SCN8A: variants seen among roughly 807,000 people sequenced by gnomAD.
SCN8A encodes the protein sodium channel protein type 8 subunit alpha.
Under a neutral mutation model 184.1 loss-of-function variants are expected in SCN8A, and 30 were observed. The ratio of observed to expected loss-of-function variants is 0.16; its 90% CI spans 0.12 to 0.22. The LOEUF is 0.22. SCN8A is among the 10% of genes least tolerant of loss of function. The probability of loss-of-function intolerance (pLI) is 1.00; values close to 1 mark genes in which losing one functional copy is unlikely to be tolerated. For missense variants in SCN8A, 1,057 were observed against 2,498.9 expected, an observed-to-expected ratio of 0.42 and a Z score of 12.30; for synonymous variants, 852 against 907.0, an observed-to-expected ratio of 0.94 and a Z score of 1.09.
intron 26 of SCN8A, among the ~76,000 whole-genome samples, chr12:51,802,809 A>G (rs1213538031): frequency 6.6e-6 from 1 of 152,164 alleles, no homozygotes; most frequent in African/African-American, 2.4e-5. Flanking sequence ...AATGCCATCT[A>G]TTTTGCATAA....
intron 2 of SCN8A, among the ~76,000 whole-genome samples, chr12:51,671,115 A>G (rs1941123105): frequency 2.6e-5 from 4 of 152,328 alleles, no homozygotes; most frequent in East Asian, 3.9e-4. Context: ...TGGTCTCTCA[A>G]ATATTCAGTA....
chr12:51,631,747 T>G (rs1940200146), intron 1 of SCN8A, among the ~76,000 whole-genome samples: 1 of 152,238 alleles, frequency 6.6e-6, no homozygotes, highest in African/African-American at 2.4e-5. Flanking sequence ...GCACTTAGGA[T>G]TCTGGGCCTG....
At chr12:51,783,388 T>C (rs1175226430) in intron 21 of SCN8A, among the ~76,000 whole-genome samples, 11 of 152,144 alleles carry the variant, frequency 7.2e-5, no homozygotes, top group Non-Finnish European at 1.6e-4. Flanking sequence ...AAATAAGAAA[T>C]CTTCATAAAC....
At position 51,793,839 on chromosome 12, in the gene SCN8A, C is replaced by T. The variant is rs547739486; in HGVS notation, c.4525-532C>T. ...CTCCAGCCTGGGCAACACAGTAAGA[C>T]CCGTCTCTAAAAACAGAAAGAAAGG... On this transcript the variant is annotated intron_variant, in intron 25 of 26. Transcript: ENST00000627620. 7.2e-5 allele frequency among the ~76,000 whole-genome samples: 11 copies of T among 151,804 alleles called. No homozygotes were observed. The South Asian group carries it at 2.1e-3, about 29-fold the overall frequency.
chr12:51,797,037 C>A (rs959679834), intron 26 of SCN8A, among the ~76,000 whole-genome samples: 6 of 152,168 alleles, frequency 3.9e-5, no homozygotes, highest in Non-Finnish European at 8.8e-5. Context: ...TTGCACCAGC[C>A]TAATCTCTGG....
intron 9 of SCN8A, among the ~76,000 whole-genome samples, chr12:51,703,949 A>G (rs959601318): frequency 6.6e-6 from 1 of 151,596 alleles, no homozygotes; most frequent in Non-Finnish European, 1.5e-5. Context: ...TCTGTCGCCC[A>G]GGCTGGAGTG....
chr12:51,603,726 T>A (rs932166598), intron 1 of SCN8A, among the ~76,000 whole-genome samples: 5 of 152,004 alleles, frequency 3.3e-5, no homozygotes, highest in Non-Finnish European at 7.4e-5. Flanking sequence ...AATTGTCAGG[T>A]TTAAATTTTT....
At chr12:51,713,282 T>C (rs1012571327) in intron 11 of SCN8A, 1 of 1,145,504 alleles carries the variant, frequency 8.7e-7, no homozygotes, top group Non-Finnish European at 1.3e-6. Context: ...GAAACAGCTC[T>C]CTTTGGTTCC....
intron 2 of SCN8A, among the ~76,000 whole-genome samples, chr12:51,672,998 A>G (rs1214790376): frequency 2.6e-5 from 4 of 152,056 alleles, no homozygotes; most frequent in Admixed American, 6.5e-5. Flanking sequence ...GTCTATATAG[A>G]GCATATTGCA....
At position 51,633,340 on chromosome 12, in the gene SCN8A, C is replaced by T. The variant is rs140967134; in HGVS notation, c.-54-29424C>T. Among the ~76,000 whole-genome samples the T allele has an allele frequency of 3.3e-5, 5 of 152,336 alleles. No individual in the cohort carries two copies. The East Asian group carries it at 9.6e-4, about 29-fold the overall frequency. On this transcript the variant is annotated intron_variant, in intron 1 of 26. Coordinates refer to ENST00000627620, the MANE Select transcript of SCN8A (RefSeq NM_001330260.2). ...TCTTATCTAGATTCCCTTCTAGCAT[C>T]TTCATGGTTCTGTGTTTTCTCTCCC...
chr12:51,790,676 A>T (rs757654896), intron 25 of SCN8A, among the ~76,000 whole-genome samples, 174 bp downstream of exon 25: 1 of 152,206 alleles, frequency 6.6e-6, no homozygotes. Context: ...GGATTAAGGC[A>T]TGGGGGCTTT....
At chr12:51,773,596 T>C (rs1381783008) in intron 19 of SCN8A, among the ~76,000 whole-genome samples, 71 of 152,250 alleles carry the variant, frequency 4.7e-4, no homozygotes, top group Non-Finnish European at 1.5e-5. Flanking sequence ...GAAAACAGTT[T>C]GGCAGTTCCT....
rs568548293 is a variant in SCN8A at position 51,762,442 on chromosome 12, A to G, written c.2371-61A>G. 2.0e-5 allele frequency: 29 copies of G among 1,467,794 alleles called. No individual in the cohort carries two copies. The East Asian group carries it at 5.1e-4, about 26-fold the overall frequency. The allele number at this position is 1,467,794 out of a possible 1,614,324, so 90.9% of individuals were successfully genotyped here. A position where few individuals can be genotyped will look rare whatever the true frequency, so the allele number is the denominator to read the frequency against. On this transcript the variant is annotated intron_variant, in intron 14 of 26. Transcript: ENST00000627620. ...CTTGGACATGTTGTTTTCAAAAATA[A>G]TGATAAAGGCATTCTCTTTCTACTA...
intron 8 of SCN8A, among the ~76,000 whole-genome samples, chr12:51,702,262 C>T (rs144962497): frequency 0.03 from 4,380 of 145,514 alleles, 202 homozygotes; most frequent in African/African-American, 0.1. Flanking sequence ...GCAGAGGTTG[C>T]AGTGACCCGA....
chr12:51,765,713 A>G lies in SCN8A; in HGVS notation c.2587A>G (p.Met863Val). ...GGCCAAATCCTGGCCCACCCTGAAC[A>G]TGCTAATCAAGATTATTGGAAATTC... ...KLAKSWPTLNMLIKIIGNSVG... is the reference protein window; with the variant it reads ...KLAKSWPTLNVLIKIIGNSVG... The change falls in exon 16 of 27, where the codon ATG becomes GTG. Residue 863 changes from methionine to valine, a missense_variant. Around this residue, in one of 19 missense-constraint regions of SCN8A, gnomAD observed 66 missense variants for 310.6 expected, o/e 0.21. Coordinates refer to ENST00000627620, the MANE Select transcript of SCN8A (RefSeq NM_001330260.2). 4 of 1,610,936 alleles carry G rather than the reference A, an allele frequency of 2.5e-6. No individual in the cohort carries two copies. Among genetic ancestry groups the G allele is most frequent in the Non-Finnish European group, 3.4e-6 (4 of 1,178,206 alleles).
At chr12:51,702,950 T>G (rs778962788) in intron 9 of SCN8A, 36 bp downstream of exon 9, 2 of 1,552,888 alleles carry the variant, frequency 1.3e-6, no homozygotes, top group Non-Finnish European at 1.7e-6. Context: ...CCATAGAGTT[T>G]GCATGAGCTT....
chr12:51,795,321 G>A (rs1296818799), intron 26 of SCN8A, among the ~76,000 whole-genome samples: 2 of 152,230 alleles, frequency 1.3e-5, no homozygotes, highest in Non-Finnish European at 2.9e-5. Context: ...GTGGGGGGAT[G>A]ATGTCCTGGC....
intron 2 of SCN8A, among the ~76,000 whole-genome samples, chr12:51,678,548 C>T (rs4274233): frequency 0.025 from 3,875 of 152,304 alleles, 141 homozygotes; most frequent in East Asian, 0.1. Flanking sequence ...GCCCATCAGG[C>T]AGCCCTCTCT....
At chr12:51,804,050 C>T (rs959350016) in intron 26 of SCN8A, among the ~76,000 whole-genome samples, 8 of 152,308 alleles carry the variant, frequency 5.3e-5, no homozygotes, top group Admixed American at 2.6e-4. Flanking sequence ...AGTGCCTGGA[C>T]GGCAAGAGAA....
Sources: allele counts gnomAD v4.1 joint callset (sites outside exome capture counted in the v4.1 genomes callset), GRCh38; gene constraint gnomAD v4.1.1; regional missense constraint gnomAD v4.1.1; transcripts MANE v1.5; gene names NCBI Gene and HGNC (gene_info 2026-07-23, HGNC 2026-07-21).